KCNH1: variants seen among roughly 807,000 people sequenced by gnomAD.
KCNH1 encodes voltage-gated delayed rectifier potassium channel KCNH1.
In KCNH1, 27 loss-of-function variants were observed where a neutral mutation model predicts 69.2. The observed-to-expected ratio is 0.39, with a 90% CI of 0.29 to 0.54. The LOEUF (loss-of-function observed/expected upper bound fraction) is 0.54, where lower values mean the gene tolerates loss of function less well. Ranked by LOEUF, KCNH1 falls within the 20% of genes least tolerant of loss-of-function variation. KCNH1 has a pLI of 0.68. For missense variants in KCNH1, 798 were observed against 1,261.6 expected (o/e 0.63, Z 5.57); for synonymous variants, 456 against 487.7 (o/e 0.93, Z 0.86).
chr1:210,709,849 C>T (rs1407375541), intron 10 of KCNH1, among the ~76,000 whole-genome samples: 1 of 152,190 alleles, frequency 6.6e-6, no homozygotes. Flanking sequence ...TGGGGAGATA[C>T]TATTCGTCTG....
chr1:211,133,730 C>T lies in KCNH1; in HGVS notation c.79+137G>A. The stretch of plus-strand genomic sequence containing the variant: ...ACCTTTCTCTGCCTCGGGGAGGCTG[C>T]CCTGGGTGCCCGCGCCGCGGCTCCT... On this transcript the variant is annotated intron_variant, in intron 1 of 10. Coordinates refer to ENST00000271751, the MANE Select transcript of KCNH1 (RefSeq NM_172362.3). This position sits in a 1 kb window ranked among gnomAD's most constrained non-coding sequence, Gnocchi z 5.4. The T allele has an allele frequency of 1.3e-6, 1 of 742,818 alleles. No individual in the cohort carries two copies. The highest frequency in any genetic ancestry group is 2.3e-6 in the Non-Finnish European group (1 of 439,240). 46.0% of individuals were successfully genotyped at this position (742,818 alleles called of 1,614,324 possible). A position where few individuals can be genotyped will look rare whatever the true frequency, so the allele number is the denominator to read the frequency against.
At chr1:210,722,971 TC>T (rs1682506727) in intron 10 of KCNH1, among the ~76,000 whole-genome samples, 1 of 152,142 alleles carries the variant, frequency 6.6e-6, no homozygotes, top group African/African-American at 2.4e-5. Context: ...CTGACAGACC[TC>T]AGGGAAGACA....
At chr1:210,918,428 T>C (rs1687391084) in intron 7 of KCNH1, among the ~76,000 whole-genome samples, 1 of 152,224 alleles carries the variant, frequency 6.6e-6, no homozygotes, top group African/African-American at 2.4e-5. Flanking sequence ...CAGCATGCAC[T>C]TGGCAGTTTC....
At chr1:210,780,800 C>G (rs1224474978) in intron 9 of KCNH1, among the ~76,000 whole-genome samples, 4 of 152,184 alleles carry the variant, frequency 2.6e-5, no homozygotes, top group Non-Finnish European at 4.4e-5. Flanking sequence ...GTAATCCCAG[C>G]ACTTTGGGAG....
At chr1:210,806,142 T>C (rs1684546130) in intron 7 of KCNH1, among the ~76,000 whole-genome samples, 1 of 152,228 alleles carries the variant, frequency 6.6e-6, no homozygotes, top group Admixed American at 6.5e-5. Context: ...AATTGCAGAA[T>C]TGATTTCCAA....
chr1:210,928,284 G>C (rs1282185540), intron 6 of KCNH1, among the ~76,000 whole-genome samples: 1 of 152,088 alleles, frequency 6.6e-6, no homozygotes, highest in East Asian at 1.9e-4. Flanking sequence ...TCAGCACATG[G>C]AACATTCTCC....
chr1:210,840,329 C>G (rs966803569), intron 7 of KCNH1, among the ~76,000 whole-genome samples: 1 of 152,048 alleles, frequency 6.6e-6, no homozygotes, highest in African/African-American at 2.4e-5. Flanking sequence ...CAGTTGTTCT[C>G]CTGATTGCTT....
Position 210,752,982 on chromosome 1 carries a change from T to A in KCNH1, c.2112+22366A>T, listed in dbSNP as rs780301308. Among the ~76,000 whole-genome samples the A allele has an allele frequency of 9.2e-5, 14 of 151,786 alleles. 1 individual carries two copies. Among genetic ancestry groups the A allele is most frequent in the Admixed American group, 3.9e-4 (6 of 15,250 alleles). ...GGCCATATGAACACAGAGGCAGAGA[T>A]TGGAATGATGTGGTCACAAGCCAAG... is the stretch of plus-strand genomic sequence containing the variant. On this transcript the variant is annotated intron_variant, in intron 10 of 10. Transcript: ENST00000271751.
chr1:210,684,996 C>T (rs1681378072), intron 10 of KCNH1, among the ~76,000 whole-genome samples: 1 of 152,244 alleles, frequency 6.6e-6, no homozygotes, highest in African/African-American at 2.4e-5. Context: ...GACTTGTACC[C>T]AAGGTATCAA....
intron 1 of KCNH1, among the ~76,000 whole-genome samples, chr1:211,117,675 C>T (rs1021569103): frequency 1.3e-5 from 2 of 152,144 alleles, no homozygotes; most frequent in African/African-American, 4.8e-5. Context: ...TCCCAGAGCA[C>T]CATTTGTGAG....
intron 6 of KCNH1, among the ~76,000 whole-genome samples, chr1:211,014,183 C>T (rs1689450991): frequency 6.6e-6 from 1 of 152,174 alleles, no homozygotes; most frequent in African/African-American, 2.4e-5. Context: ...ACTTCAATAG[C>T]AGTAAGCAAT....
At chr1:210,891,334 G>A (rs1344088479) in intron 7 of KCNH1, among the ~76,000 whole-genome samples, 2 of 152,226 alleles carry the variant, frequency 1.3e-5, no homozygotes, top group East Asian at 3.9e-4. Flanking sequence ...GGTGGGAACT[G>A]AACAATGAGA....
intron 5 of KCNH1, among the ~76,000 whole-genome samples, chr1:211,039,177 G>A (rs948802983): frequency 6.6e-6 from 1 of 152,208 alleles, no homozygotes; most frequent in Non-Finnish European, 1.5e-5. Context: ...CTCAGACTGT[G>A]GCTTCAGAGG....
intron 10 of KCNH1, among the ~76,000 whole-genome samples, chr1:210,747,439 G>A (rs1029330716): frequency 3.9e-5 from 6 of 152,178 alleles, no homozygotes; most frequent in African/African-American, 1.4e-4. Context: ...AGTGTAAAGT[G>A]AGGAAGGGAA....
intron 7 of KCNH1, among the ~76,000 whole-genome samples, chr1:210,844,889 AGG>A (rs1281580720): frequency 6.6e-6 from 1 of 152,248 alleles, no homozygotes; most frequent in East Asian, 1.9e-4. Flanking sequence ...AAAATGATAA[AGG>A]GGATATCACC....
chr1:211,067,647 G>T (rs1000717236), intron 5 of KCNH1, among the ~76,000 whole-genome samples: 2 of 152,206 alleles, frequency 1.3e-5, no homozygotes, highest in African/African-American at 4.8e-5. Context: ...TAAGATCAGA[G>T]ATTAACTGGG....
At chr1:211,053,413 G>A (rs887832782) in intron 5 of KCNH1, among the ~76,000 whole-genome samples, 1 of 152,140 alleles carries the variant, frequency 6.6e-6, no homozygotes, top group African/African-American at 2.4e-5. Flanking sequence ...AGGGGTTATC[G>A]GAACCAGTTA....
intron 1 of KCNH1, among the ~76,000 whole-genome samples, chr1:211,118,954 A>G (rs146611160): frequency 1.6e-4 from 25 of 152,324 alleles, no homozygotes; most frequent in African/African-American, 6.0e-4. Context: ...TACAGTAAGT[A>G]TTTCACAATA....
At chr1:211,030,413 T>C (rs547945430) in intron 5 of KCNH1, among the ~76,000 whole-genome samples, 8 of 152,206 alleles carry the variant, frequency 5.3e-5, no homozygotes, top group African/African-American at 1.9e-4. Context: ...AAAAAGAATA[T>C]AGATTCATAG....
Sources: allele counts gnomAD v4.1 joint callset (sites outside exome capture counted in the v4.1 genomes callset), GRCh38; gene constraint gnomAD v4.1.1; non-coding constraint Gnocchi (gnomAD v3.1); transcripts MANE v1.5; gene names NCBI Gene and HGNC (gene_info 2026-07-23, HGNC 2026-07-21).